Variants in C14orf39 observed in about 807,000 individuals in gnomAD.
C14orf39 encodes chromosome 14 open reading frame 39.
A neutral mutation model predicts 85.6 loss-of-function variants in C14orf39; 66 were observed. The ratio of observed to expected loss-of-function variants is 0.77; its 90% CI spans 0.63 to 0.95. The LOEUF is 0.95. Among genes scored for constraint, C14orf39 ranks in the 40% least tolerant of loss-of-function variants. The probability of loss-of-function intolerance (pLI) is 0.00; values close to 1 mark genes in which losing one functional copy is unlikely to be tolerated. For synonymous variants in C14orf39, 242 were observed against 214.0 expected, an observed-to-expected ratio of 1.13 and a Z score of -1.14; for missense variants, 735 against 663.9, an observed-to-expected ratio of 1.11 and a Z score of -1.18.
rs561902887 is a variant in C14orf39 at position 60,502,680 on chromosome 14, A to T, written c.-143-3250T>A. Among the ~76,000 whole-genome samples the T allele has an allele frequency of 9.2e-5, 14 of 152,286 alleles. 1 individual carries two copies. In the South Asian group the frequency reaches 2.9e-3, roughly 32 times the overall value. ...TATGCACTCATTTCTCTGTCCCTTAATTTTTTTCTAAATCTACTCCCACTG... is the reference window on the plus strand; with the variant it reads ...TATGCACTCATTTCTCTGTCCCTTATTTTTTTTCTAAATCTACTCCCACTG... On this transcript the variant is annotated intron_variant, in intron 1 of 5. Transcript: ENST00000556799.
intron 16 of C14orf39, among the ~76,000 whole-genome samples, chr14:60,451,644 T>A (rs995976490): frequency 1.4e-5 from 2 of 139,302 alleles, no homozygotes; most frequent in African/African-American, 5.4e-5. Flanking sequence ...CAATGAGAAC[T>A]CTTGGACACA....
intron 2 of C14orf39, chr14:60,496,261 A>G (rs1352539475): frequency 5.0e-6 from 2 of 398,252 alleles, no homozygotes; most frequent in Non-Finnish European, 1.0e-5. Context: ...CAGAAACAGG[A>G]TCTGCTCAAG....
intron 4 of C14orf39, among the ~76,000 whole-genome samples, chr14:60,481,501 T>TA (rs887866266): frequency 1.6e-4 from 24 of 152,202 alleles, no homozygotes; most frequent in African/African-American, 5.8e-4. Flanking sequence ...TATTTTTTTT[T>TA]AAATCATGCT....
chr14:60,488,636 T>C (rs559498181), upstream of C14orf39, among the ~76,000 whole-genome samples: 27 of 152,314 alleles, frequency 1.8e-4, no homozygotes, highest in Middle Eastern at 3.4e-3. Flanking sequence ...TGCACGGTAT[T>C]CCTTTTCTTC....
rs775201237 is a variant in C14orf39 at position 60,471,543 on chromosome 14, T to C, written c.511+9A>G. On this transcript the variant is annotated intron_variant, in intron 6 of 17. Coordinates refer to ENST00000321731, the MANE Select transcript of C14orf39 (RefSeq NM_174978.3). ...CATAATTAAAACAATATAACAAAAA[T>C]ATTAATACCTCGAAATTTCATAAAA... The C allele has an allele frequency of 6.3e-7, 1 of 1,587,436 alleles. No homozygotes were observed. The highest frequency in any genetic ancestry group is 8.6e-7 in the Non-Finnish European group (1 of 1,168,704).
chr14:60,460,887 GAAAAAAAACC>G (rs1891490751), intron 13 of C14orf39, among the ~76,000 whole-genome samples: 1 of 150,230 alleles, frequency 6.7e-6, no homozygotes, highest in Non-Finnish European at 1.5e-5. Flanking sequence ...TAAAAGAACT[GAAAAAAAACC>G]AAAATATTCC....
intron 2 of C14orf39, among the ~76,000 whole-genome samples, chr14:60,492,996 A>C (rs961507135): frequency 2.0e-5 from 3 of 152,090 alleles, no homozygotes; most frequent in African/African-American, 7.2e-5. Context: ...TAGAAAAAAA[A>C]CTCAGATTTT....
chr14:60,479,294 C>T (rs1395573516), intron 4 of C14orf39, among the ~76,000 whole-genome samples: 1 of 151,898 alleles, frequency 6.6e-6, no homozygotes, highest in African/African-American at 2.4e-5. Flanking sequence ...AAATATTCTC[C>T]AAAATGAAAT....
intron 1 of C14orf39, among the ~76,000 whole-genome samples, chr14:60,508,374 G>C (rs944713637): frequency 1.3e-5 from 2 of 152,152 alleles, no homozygotes; most frequent in East Asian, 1.9e-4. Flanking sequence ...CATTAAACTG[G>C]GGGAGGGGGA....
chr14:60,437,996 AAATT>A (rs1395616184), intron 17 of C14orf39, among the ~76,000 whole-genome samples: 4 of 151,810 alleles, frequency 2.6e-5, no homozygotes, highest in African/African-American at 4.8e-5. Flanking sequence ...TTCTAATTTA[AAATT>A]AATTATCATT....
intron 1 of C14orf39, chr14:60,508,920 C>G (rs1364009939): frequency 5.9e-5 from 11 of 187,748 alleles, no homozygotes. Flanking sequence ...GAGTAGTGAA[C>G]GCTGCCGCAC....
chr14:60,491,697 T>C lies in C14orf39; in HGVS notation c.-8-6611A>G, dbSNP rs1050320442. 1.3e-5 allele frequency among the ~76,000 whole-genome samples: 2 copies of C among 152,190 alleles called. No individual in the cohort carries two copies. The highest frequency in any genetic ancestry group is 6.5e-5 in the Admixed American group (1 of 15,270). On this transcript the variant is annotated intron_variant, in intron 2 of 5. Coordinates refer to the C14orf39 transcript ENST00000556799. This position sits in a 1 kb window ranked among gnomAD's most constrained non-coding sequence, Gnocchi z 4.5. ...CGCCATCTAAATTCATTCTCTCACCTGGATTATTGTACTAACTTCCAAACT... is the reference window on the plus strand; with the variant it reads ...CGCCATCTAAATTCATTCTCTCACCCGGATTATTGTACTAACTTCCAAACT...
chr14:60,455,734 C>A (rs1441380395), intron 15 of C14orf39, among the ~76,000 whole-genome samples: 2 of 152,128 alleles, frequency 1.3e-5, no homozygotes, highest in African/African-American at 4.8e-5. Context: ...TTAGTTGTAT[C>A]ACCTGTGATT....
upstream of C14orf39, among the ~76,000 whole-genome samples, chr14:60,490,453 G>GAATAAATA (rs1208619134): frequency 2.7e-3 from 35 of 12,862 alleles, 1 homozygote; most frequent in Admixed American, 5.2e-3. Context: ...ATAAATAAAT[G>GAATAAATA]AATAAATAAA....
intron 16 of C14orf39, among the ~76,000 whole-genome samples, chr14:60,443,850 C>T (rs1238201301): frequency 1.3e-5 from 2 of 152,162 alleles, no homozygotes; most frequent in African/African-American, 2.4e-5. Context: ...GCAATATTTG[C>T]TGTTCTGCAA....
At chr14:60,451,524 C>G (rs2140055230) in intron 16 of C14orf39, among the ~76,000 whole-genome samples, 2 of 152,182 alleles carry the variant, frequency 1.3e-5, no homozygotes. Flanking sequence ...AGGATGAGTT[C>G]ATGTCCTTTA....
At chr14:60,462,063 T>G (rs957306280) in intron 11 of C14orf39, among the ~76,000 whole-genome samples, 2 of 152,130 alleles carry the variant, frequency 1.3e-5, no homozygotes, top group African/African-American at 4.8e-5. Flanking sequence ...TATTCCATTT[T>G]AACTTTAAAT....
intron 1 of C14orf39, chr14:60,511,630 A>C (rs1893295911): frequency 2.6e-6 from 1 of 380,426 alleles, no homozygotes; most frequent in Non-Finnish European, 5.0e-6. Flanking sequence ...TTCGCTTTAA[A>C]GTTTTTTTTT....
rs181286257 is a variant in C14orf39 at position 60,466,006 on chromosome 14, G to T, written c.945C>A (p.Asp315Glu). The T allele has an allele frequency of 1.9e-4, 295 of 1,563,320 alleles. 1 individual carries two copies. In the East Asian group the frequency reaches 6.0e-3, roughly 32 times the overall value. ...GTGTATCATTTTCTTTTTGTCTAAAGTCAATATTGGCAAGCTTTGACTGCT... is the reference window on the plus strand; with the variant it reads ...GTGTATCATTTTCTTTTTGTCTAAATTCAATATTGGCAAGCTTTGACTGCT... ...SAKQSKLANI[D>E]FRQKENDTQI... The change falls in exon 11 of 18, where the codon GAC (aspartate) becomes GAA (glutamate). Residue 315 changes from aspartate (D) to glutamate (E), a missense_variant. Asp to Glu is a conservative substitution (Grantham distance 45). Transcript: ENST00000321731.
Sources: allele counts gnomAD v4.1 joint callset (sites outside exome capture counted in the v4.1 genomes callset), GRCh38; gene constraint gnomAD v4.1.1; non-coding constraint Gnocchi (gnomAD v3.1); transcripts MANE v1.5; gene names NCBI Gene and HGNC (gene_info 2026-07-23, HGNC 2026-07-21).